CSMD1: variants seen among roughly 807,000 people sequenced by gnomAD.
CSMD1 encodes CUB and Sushi multiple domains 1.
A neutral mutation model predicts 417.5 loss-of-function variants in CSMD1; 213 were observed. That is an observed-to-expected ratio of 0.51 (90% CI 0.46 to 0.57). The LOEUF is 0.57. Ranked by LOEUF, CSMD1 falls within the 20% of genes least tolerant of loss-of-function variation. The pLI, the probability that CSMD1 is intolerant of heterozygous loss-of-function variation, is 0.00. For missense variants in CSMD1, 6,923 were observed against 4,529.7 expected (o/e 1.53, Z -15.17); for synonymous variants, 2,862 against 1,736.8 (o/e 1.65, Z -16.11).
At chr8:4,058,826 C>G (rs548611014) in intron 3 of CSMD1, among the ~76,000 whole-genome samples, 1 of 151,440 alleles carries the variant, frequency 6.6e-6, no homozygotes, top group African/African-American at 2.4e-5. Context: ...GACTTAGACT[C>G]CCACACAATA....
In CSMD1 at chr8:4,817,071, C is replaced by T. The variant is rs557770506; in HGVS notation, c.85+177261G>A. 5.3e-5 allele frequency among the ~76,000 whole-genome samples: 8 copies of T among 152,152 alleles called. No individual in the cohort carries two copies. The South Asian group carries it at 8.3e-4, about 16-fold the overall frequency. ...TATAGACATATATGAAGAACTAGAC[C>T]ATGTATATACAACTTTATTATGTGT... On this transcript the variant is annotated intron_variant, in intron 1 of 69. Coordinates refer to ENST00000635120, the MANE Select transcript of CSMD1 (RefSeq NM_033225.6).
chr8:3,097,000 C>T lies in CSMD1; in HGVS notation c.6987G>A (p.Ser2329=), dbSNP rs187226673. Residue 2329 remains serine, a synonymous_variant, in exon 47 of 70, where the codon TCG becomes TCA. Transcript: ENST00000635120. ...CPANEVRTGS[S]GVILSPGYPG... Reference sequence around the variant, plus strand: ...GATACCCTGGACTGAGAATGACTCCCGATGATCCAGTCCGGACTTCATTTG... The same window carrying T: ...GATACCCTGGACTGAGAATGACTCCTGATGATCCAGTCCGGACTTCATTTG... The T allele has an allele frequency of 1.3e-3, 1,986 of 1,555,206 alleles. 3 individuals are homozygous for T. Among genetic ancestry groups the T allele is most frequent in the Non-Finnish European group, 1.5e-3 (1,777 of 1,148,664 alleles).
intron 2 of CSMD1, among the ~76,000 whole-genome samples, chr8:4,532,889 C>CA (rs966675354): frequency 6.6e-6 from 1 of 151,784 alleles, no homozygotes; most frequent in African/African-American, 2.4e-5. Context: ...AGAAATCCTG[C>CA]ACCCCCATTC....
chr8:3,705,318 G>T (rs896876059), intron 7 of CSMD1, among the ~76,000 whole-genome samples: 1 of 152,216 alleles, frequency 6.6e-6, no homozygotes, highest in Non-Finnish European at 1.5e-5. Context: ...AGCAGAGACA[G>T]CTTCAGGGGG....
intron 5 of CSMD1, among the ~76,000 whole-genome samples, chr8:3,966,420 C>A (rs969374831): frequency 7.9e-5 from 12 of 152,054 alleles, no homozygotes; most frequent in African/African-American, 2.7e-4. Context: ...ACATATATAT[C>A]AGGTATTATA....
intron 3 of CSMD1, among the ~76,000 whole-genome samples, chr8:4,119,146 G>T (rs543768434): frequency 6.6e-6 from 1 of 152,058 alleles, no homozygotes; most frequent in African/African-American, 2.4e-5. Flanking sequence ...TGCATGTCGG[G>T]CTTAAAACCT....
chr8:3,745,929 G>A (rs1037035372), intron 6 of CSMD1, among the ~76,000 whole-genome samples: 38 of 152,192 alleles, frequency 2.5e-4, no homozygotes, highest in Admixed American at 2.2e-3. Context: ...ACAGCAGCAG[G>A]CCGGGGGGAA....
At chr8:4,011,050 C>G (rs1245728934) in intron 4 of CSMD1, among the ~76,000 whole-genome samples, 1 of 152,148 alleles carries the variant, frequency 6.6e-6, no homozygotes, top group African/African-American at 2.4e-5. Flanking sequence ...CATCTCTTGC[C>G]AAATCCTCAC....
At chr8:4,449,375 G>C (rs750664249) in intron 2 of CSMD1, among the ~76,000 whole-genome samples, 2 of 152,068 alleles carry the variant, frequency 1.3e-5, no homozygotes, top group Non-Finnish European at 1.5e-5. Flanking sequence ...GAATGATTCT[G>C]GTGTATAACA....
At chr8:3,430,476 G>A (rs527829606) in intron 12 of CSMD1, among the ~76,000 whole-genome samples, 1 of 152,178 alleles carries the variant, frequency 6.6e-6, no homozygotes, top group East Asian at 1.9e-4. Context: ...GTAGATGATG[G>A]TTATGAAGTC....
At chr8:3,841,056 A>T (rs1803102753) in intron 5 of CSMD1, among the ~76,000 whole-genome samples, 1 of 152,080 alleles carries the variant, frequency 6.6e-6, no homozygotes, top group African/African-American at 2.4e-5. Flanking sequence ...ATTCCAGGAC[A>T]AACACTAAAC....
chr8:4,301,697 C>G (rs1244752121), intron 3 of CSMD1, among the ~76,000 whole-genome samples: 2 of 152,198 alleles, frequency 1.3e-5, no homozygotes, highest in Non-Finnish European at 1.5e-5. Flanking sequence ...TATTATTTTT[C>G]TTGCAAATTG....
intron 50 of CSMD1, among the ~76,000 whole-genome samples, chr8:3,038,534 T>C (rs1368047003): frequency 6.6e-6 from 1 of 152,204 alleles, no homozygotes; most frequent in Non-Finnish European, 1.5e-5. Context: ...TTCCTTAAAA[T>C]TTTTCTTGTG....
At chr8:3,589,135 T>C (rs1347811900) in intron 8 of CSMD1, among the ~76,000 whole-genome samples, 1 of 152,094 alleles carries the variant, frequency 6.6e-6, no homozygotes, top group Non-Finnish European at 1.5e-5. Flanking sequence ...TTGTTAGAAA[T>C]GTAAAATATG....
chr8:3,108,490 C>T (rs1816292468), intron 44 of CSMD1, 113 bp downstream of exon 44: 1 of 1,085,524 alleles, frequency 9.2e-7, no homozygotes, highest in African/African-American at 1.6e-5. Flanking sequence ...AAGAATCATA[C>T]ACGCCCTCGG....
intron 25 of CSMD1, among the ~76,000 whole-genome samples, chr8:3,299,002 A>T (rs1319079101): frequency 6.6e-6 from 1 of 152,196 alleles, no homozygotes; most frequent in African/African-American, 2.4e-5. Context: ...GGTACCATGG[A>T]GTTTTGCCAT....
rs1482013433 is a variant in CSMD1, at chr8:4,762,015, A to C, written c.86-124457T>G. 3.3e-5 allele frequency among the ~76,000 whole-genome samples: 5 copies of C among 151,944 alleles called. No homozygotes were observed. The East Asian group carries it at 9.7e-4, about 29-fold the overall frequency. ...AATTAACATGGAAAACTCAATTACA[A>C]CTTTTAATATATTAAGACTCAGGAT... On this transcript the variant is annotated intron_variant, in intron 1 of 69. Transcript: ENST00000635120.
chr8:3,470,939 C>A (rs1323221587), intron 11 of CSMD1, among the ~76,000 whole-genome samples: 2 of 152,130 alleles, frequency 1.3e-5, no homozygotes, highest in African/African-American at 4.8e-5. Context: ...GGTATTTGGA[C>A]TGATACTAGT....
chr8:3,104,126 G>A (rs1815957002), intron 46 of CSMD1, among the ~76,000 whole-genome samples: 1 of 152,082 alleles, frequency 6.6e-6, no homozygotes, highest in African/African-American at 2.4e-5. Flanking sequence ...TTTAGTTAAA[G>A]TCTTCTATTC....
Sources: gnomAD v4.1 joint callset for allele counts (sites outside exome capture counted in the v4.1 genomes callset) on GRCh38, gnomAD v4.1.1 for gene constraint, MANE v1.5 for transcripts, NCBI Gene and HGNC (gene_info 2026-07-23, HGNC 2026-07-21) for gene names.